MASP1: variants seen among roughly 807,000 people sequenced by gnomAD.
The protein encoded by MASP1 is mannan-binding lectin serine protease 1.
Under a neutral mutation model 77.1 loss-of-function variants are expected in MASP1, and 59 were observed. The ratio of observed to expected loss-of-function variants is 0.77; its 90% CI spans 0.62 to 0.95. MASP1 has a LOEUF of 0.95. Among genes scored for constraint, MASP1 ranks in the 40% least tolerant of loss-of-function variants. MASP1 has a pLI of 0.00. For missense variants in MASP1, 885 were observed against 912.9 expected, an observed-to-expected ratio of 0.97 and a Z score of 0.39; for synonymous variants, 362 against 354.5, an observed-to-expected ratio of 1.02 and a Z score of -0.24.
chr3:187,233,362 A>G (rs999625302), downstream of MASP1, among the ~76,000 whole-genome samples: 4 of 152,132 alleles, frequency 2.6e-5, no homozygotes, highest in Admixed American at 2.0e-4. Context: ...CTCTCACTTT[A>G]ACCATGGCCA....
intron 1 of MASP1, among the ~76,000 whole-genome samples, chr3:187,287,551 G>T (rs1220276303): frequency 1.3e-5 from 2 of 152,140 alleles, no homozygotes; most frequent in Non-Finnish European, 2.9e-5. Flanking sequence ...GTGAAAACTT[G>T]GGCAACTAGT....
chr3:187,219,745 C>T (rs1711924202), exon 16 of MASP1: 1 of 392,642 alleles, frequency 2.5e-6, no homozygotes, highest in Non-Finnish European at 4.9e-6. Flanking sequence ...TAATCTTTTC[C>T]TCATCAGACT....
In MASP1 at chr3:187,246,699, G is replaced by A. The variant is rs1428195112; in HGVS notation, c.1091-3078C>T. On this transcript the variant is annotated intron_variant, in intron 8 of 10. Transcript: ENST00000296280. ...TATCTTTTTAAAATTTTTAATCAGCGAATTTTAAGAAACATAGAACTTGTA... is the reference window on the plus strand; with the variant it reads ...TATCTTTTTAAAATTTTTAATCAGCAAATTTTAAGAAACATAGAACTTGTA... 4 of 987,506 alleles carry A rather than the reference G, an allele frequency of 4.1e-6. No homozygotes were observed. In the African/African-American group the frequency reaches 5.2e-5, roughly 13 times the overall value. The allele number at this position is 987,506 out of a possible 1,614,324, so 61.2% of individuals were successfully genotyped here.
Position 187,235,538 on chromosome 3 carries a change from G to T in MASP1, c.*146C>A. The T allele has an allele frequency of 6.5e-7, 1 of 1,538,506 alleles. No individual in the cohort carries two copies. The highest frequency in any genetic ancestry group is 8.7e-7 in the Non-Finnish European group (1 of 1,149,604). ...CCCTATACCACACTCTGCCTCTCAG[G>T]GTCCTGGGGGCTGTCTCGGTAGGAG... On this transcript the variant is annotated 3_prime_UTR_variant, in exon 11 of 11. Coordinates refer to ENST00000296280, the MANE Select transcript of MASP1 (RefSeq NM_139125.4).
At chr3:187,236,987 A>G (rs1186329125) in intron 10 of MASP1, among the ~76,000 whole-genome samples, 1 of 152,202 alleles carries the variant, frequency 6.6e-6, no homozygotes, top group Non-Finnish European at 1.5e-5. Context: ...TACTTCTGAA[A>G]GTTTTCTGTC....
chr3:187,281,331 T>C (rs79801721), intron 2 of MASP1, among the ~76,000 whole-genome samples: 5 of 102,122 alleles, frequency 4.9e-5, no homozygotes, highest in African/African-American at 2.0e-4. Context: ...TCATCGCCCC[T>C]ATGGGCCTGG....
chr3:187,238,569 G>C (rs1713366292), intron 10 of MASP1, among the ~76,000 whole-genome samples: 1 of 152,132 alleles, frequency 6.6e-6, no homozygotes. Context: ...GCCAGATTTG[G>C]GTTCTAGAGG....
At position 187,234,366 on chromosome 3, in the gene MASP1, CAG is replaced by C. The variant is rs1712960933; in HGVS notation, c.*1316_*1317del. ...GGAGAACAATCAGCCCTGTGAGGGCCAGAGAGGCTGCTAGCAGTCAGGGAAGC... is the reference window on the plus strand; with the variant it reads ...GGAGAACAATCAGCCCTGTGAGGGCCAGAGGCTGCTAGCAGTCAGGGAAGC... On this transcript the variant is annotated 3_prime_UTR_variant, in exon 11 of 11. Coordinates refer to ENST00000296280, the MANE Select transcript of MASP1 (RefSeq NM_139125.4). The C allele has an allele frequency of 7.8e-7, 1 of 1,287,128 alleles. No individual in the cohort carries two copies. The highest frequency in any genetic ancestry group is 1.0e-6 in the Non-Finnish European group (1 of 988,706). The allele number at this position is 1,287,128 out of a possible 1,614,324, so 79.7% of individuals were successfully genotyped here. A position where few individuals can be genotyped will look rare whatever the true frequency, so the allele number is the denominator to read the frequency against.
intron 8 of MASP1, chr3:187,247,215 T>C: frequency 6.3e-7 from 1 of 1,578,742 alleles, no homozygotes; most frequent in African/African-American, 1.3e-5. Flanking sequence ...CCCATTCTAA[T>C]CCACATGGAA....
intron 8 of MASP1, among the ~76,000 whole-genome samples, chr3:187,246,065 T>C (rs1421766116): frequency 6.6e-6 from 1 of 152,212 alleles, no homozygotes; most frequent in Non-Finnish European, 1.5e-5. Flanking sequence ...GCTCCCCTGC[T>C]GCCTCCTGCT....
intron 2 of MASP1, among the ~76,000 whole-genome samples, chr3:187,278,776 T>C (rs901274262): frequency 6.6e-6 from 1 of 152,202 alleles, no homozygotes; most frequent in Non-Finnish European, 1.5e-5. Context: ...TCCATAGCTG[T>C]CCAGGAGGCC....
chr3:187,288,185 C>T (rs1188421758), intron 1 of MASP1, among the ~76,000 whole-genome samples: 1 of 152,088 alleles, frequency 6.6e-6, no homozygotes, highest in East Asian at 1.9e-4. Flanking sequence ...ATGTCTTAAT[C>T]CCATAGCCAA....
In MASP1 at chr3:187,236,481, G is replaced by A. The variant is rs1713194361; in HGVS notation, c.1390C>T (p.Gln464Ter). Residue 464 changes from glutamine to a stop codon, truncating the protein, a stop_gained, in exon 11 of 11, where the codon CAG becomes TAG. Coordinates refer to ENST00000296280, the MANE Select transcript of MASP1 (RefSeq NM_139125.4). LOFTEE classifies it high-confidence loss of function. ...RNAEPGLFPW[Q>*]ALIVVEDTSR... ...GTGTCCTCCACCACTATCAGGGCCTGCCACGGGAAGAGGCCAGGCTCAGCA... is the reference window on the plus strand; with the variant it reads ...GTGTCCTCCACCACTATCAGGGCCTACCACGGGAAGAGGCCAGGCTCAGCA... The A allele has an allele frequency of 1.2e-6, 2 of 1,614,016 alleles. No homozygotes were observed. Among genetic ancestry groups the A allele is most frequent in the African/African-American group, 2.7e-5 (2 of 75,034 alleles).
Position 187,235,893 on chromosome 3 carries a change from A to T in MASP1, c.1978T>A (p.Cys660Ser). ...AAGGCCCCACCGCTATCTCCAAGGCACGTGTCTTTGCCGCCCTCGTAGTAG... is the reference window on the plus strand; with the variant it reads ...AAGGCCCCACCGCTATCTCCAAGGCTCGTGTCTTTGCCGCCCTCGTAGTAG... ...AGYYEGGKDTCLGDSGGAFVI... is the reference protein window; with the variant it reads ...AGYYEGGKDTSLGDSGGAFVI... Residue 660 changes from cysteine (C) to serine (S), a missense_variant, in exon 11 of 11, where the codon TGC (cysteine) becomes AGC (serine). Coordinates refer to ENST00000296280, the MANE Select transcript of MASP1 (RefSeq NM_139125.4). 7.4e-6 allele frequency: 12 copies of T among 1,614,240 alleles called. No homozygotes were observed. Among genetic ancestry groups the T allele is most frequent in the Non-Finnish European group, 1.0e-5 (12 of 1,180,050 alleles).
chr3:187,250,215 T>C, intron 8 of MASP1, 36 bp downstream of exon 8: 4 of 1,549,102 alleles, frequency 2.6e-6, no homozygotes, highest in Non-Finnish European at 3.6e-6. Context: ...GCTGGGGAGC[T>C]CAGTATCTTT....
downstream of MASP1, chr3:187,229,713 G>A: frequency 3.1e-6 from 5 of 1,609,752 alleles, no homozygotes; most frequent in South Asian, 1.1e-5. Flanking sequence ...AGTCTCCAAG[G>A]AGGGGGTTCA....
At chr3:187,278,672 A>G (rs920232835) in intron 2 of MASP1, among the ~76,000 whole-genome samples, 1 of 152,178 alleles carries the variant, frequency 6.6e-6, no homozygotes, top group Non-Finnish European at 1.5e-5. Flanking sequence ...ATAAGTTGTC[A>G]TAACTGGGGC....
At chr3:187,274,065 G>A (rs1433896995) in intron 2 of MASP1, among the ~76,000 whole-genome samples, 3 of 152,034 alleles carry the variant, frequency 2.0e-5, no homozygotes, top group South Asian at 2.1e-4. Context: ...AAAATTAGCC[G>A]GGCGTCCTGG....
intron 5 of MASP1, among the ~76,000 whole-genome samples, chr3:187,254,518 G>A (rs72549268): frequency 0.011 from 1,612 of 152,274 alleles, 23 homozygotes; most frequent in African/African-American, 0.037. Context: ...GTGGCATGAG[G>A]TTGGAAAACA....
Sources: allele counts gnomAD v4.1 joint callset (sites outside exome capture counted in the v4.1 genomes callset), GRCh38; gene constraint gnomAD v4.1.1; transcripts MANE v1.5; gene names NCBI Gene and HGNC (gene_info 2026-07-23, HGNC 2026-07-21).